Variants in GPATCH8 observed in about 807,000 individuals in gnomAD.
The protein encoded by GPATCH8 is G patch domain-containing protein 8.
In GPATCH8, 18 loss-of-function variants were observed where a neutral mutation model predicts 118.3. The observed-to-expected ratio is 0.15, with a 90% CI of 0.11 to 0.23. The LOEUF (loss-of-function observed/expected upper bound fraction) is 0.23, where lower values mean the gene tolerates loss of function less well. Among genes scored for constraint, GPATCH8 ranks in the 10% least tolerant of loss-of-function variants. GPATCH8 has a pLI of 1.00. For synonymous variants in GPATCH8, 659 were observed against 684.7 expected (o/e 0.96, Z 0.59); for missense variants, 1,631 against 1,873.8 (o/e 0.87, Z 2.39).
At chr17:44,432,041 G>C (rs534889378) in intron 5 of GPATCH8, among the ~76,000 whole-genome samples, 1 of 149,952 alleles carries the variant, frequency 6.7e-6, no homozygotes, top group Non-Finnish European at 1.5e-5. Flanking sequence ...GAGTAAATCA[G>C]AGTGGGTTTT....
At chr17:44,436,342 T>C in intron 4 of GPATCH8, 136 bp downstream of exon 4, 1 of 682,724 alleles carries the variant, frequency 1.5e-6, no homozygotes, top group East Asian at 2.7e-5. Flanking sequence ...GTAAAATATA[T>C]TTTTTAGTCA....
At chr17:44,448,293 C>T (rs1289227477) in intron 3 of GPATCH8, among the ~76,000 whole-genome samples, 1 of 151,964 alleles carries the variant, frequency 6.6e-6, no homozygotes, top group Non-Finnish European at 1.5e-5. Flanking sequence ...TATGGTGGCT[C>T]ACGCCTATAA....
intron 1 of GPATCH8, among the ~76,000 whole-genome samples, chr17:44,481,926 T>C (rs996047689): frequency 6.6e-6 from 1 of 151,982 alleles, no homozygotes; most frequent in African/African-American, 2.4e-5. Context: ...ATTTGAGACC[T>C]GACTGGCCAA....
intron 2 of GPATCH8, chr17:44,467,174 G>GT (rs1022516306): frequency 0.094 from 45,898 of 489,860 alleles, 6 homozygotes; most frequent in South Asian, 0.18. Flanking sequence ...ACTAATGGTC[G>GT]TTTTTTTTTT....
chr17:44,453,494 GGTA>G (rs1568011289), intron 3 of GPATCH8, among the ~76,000 whole-genome samples: 265 of 43,134 alleles, frequency 6.1e-3, no homozygotes, highest in African/African-American at 0.014. Context: ...TAGGTAGGTA[GGTA>G]GGGGTGTGTG....
At chr17:44,447,056 G>A (rs2050911238) in intron 3 of GPATCH8, among the ~76,000 whole-genome samples, 1 of 151,890 alleles carries the variant, frequency 6.6e-6, no homozygotes, top group Non-Finnish European at 1.5e-5. Context: ...AGCTGGTCTC[G>A]AACTCCTGAC....
At chr17:44,485,856 A>C (rs1198850611) in intron 1 of GPATCH8, among the ~76,000 whole-genome samples, 1 of 152,088 alleles carries the variant, frequency 6.6e-6, no homozygotes, top group Non-Finnish European at 1.5e-5. Flanking sequence ...CTTCATCTAT[A>C]TGCCCTATAT....
intron 1 of GPATCH8, 125 bp from the exon 2 acceptor site, chr17:44,475,028 A>T: frequency 6.0e-6 from 4 of 663,402 alleles, no homozygotes; most frequent in Admixed American, 2.4e-5. Flanking sequence ...GGACACTGCA[A>T]TCGTTCATTT....
At chr17:44,438,417 T>C (rs1445616583) in intron 3 of GPATCH8, among the ~76,000 whole-genome samples, 1 of 152,074 alleles carries the variant, frequency 6.6e-6, no homozygotes, top group African/African-American at 2.4e-5. Context: ...CATTACATTG[T>C]GGGGAAATCA....
chr17:44,398,690 A>ACCT lies in GPATCH8; in HGVS notation c.3384_3386dup (p.Gly1129dup). On this transcript the variant is annotated inframe_insertion, in exon 8 of 8. Coordinates refer to ENST00000591680, the MANE Select transcript of GPATCH8 (RefSeq NM_001002909.4). Reference sequence around the variant, plus strand: ...ATGGGGGGAGCTTGGGCCCAAAGTAACCTTGTGGGGGGTCCTTGAGCTTGG... The same window carrying ACCT: ...ATGGGGGGAGCTTGGGCCCAAAGTAACCTCCTTGTGGGGGGTCCTTGAGCTTGG... 1 of 1,584,034 alleles carries ACCT rather than the reference A, an allele frequency of 6.3e-7. No homozygotes were observed. Among genetic ancestry groups the ACCT allele is most frequent in the South Asian group, 1.2e-5 (1 of 85,790 alleles).
intron 6 of GPATCH8, among the ~76,000 whole-genome samples, chr17:44,421,919 G>A (rs1395147307): frequency 6.6e-6 from 1 of 151,314 alleles, no homozygotes; most frequent in East Asian, 2.0e-4. Flanking sequence ...TAGAGACAGG[G>A]TTTTGCTATG....
At chr17:44,457,957 C>T (rs1034976493) in intron 3 of GPATCH8, among the ~76,000 whole-genome samples, 1 of 151,944 alleles carries the variant, frequency 6.6e-6, no homozygotes, top group Non-Finnish European at 1.5e-5. Context: ...CGGTGGCAGG[C>T]GCCTGAAGTC....
Position 44,400,395 on chromosome 17 carries a change from G to A in GPATCH8, c.1682C>T (p.Ala561Val). Reference protein sequence around the residue: ...WPSELLIFTKAEPSISYSCNP... With the variant: ...WPSELLIFTKVEPSISYSCNP... ...ACAACTGTATGAAATGGAGGGTTCT[G>A]CCTTGGTGAAAATTAATAGTTCTGA... Residue 561 changes from alanine to valine, a missense_variant, in exon 8 of 8, where the codon GCA becomes GTA. Transcript: ENST00000591680. The A allele has an allele frequency of 6.2e-7, 1 of 1,613,666 alleles. No homozygotes were observed. Among genetic ancestry groups the A allele is most frequent in the Non-Finnish European group, 8.5e-7 (1 of 1,179,572 alleles).
At chr17:44,434,113 G>C (rs1357956631) in intron 5 of GPATCH8, among the ~76,000 whole-genome samples, 3 of 151,752 alleles carry the variant, frequency 2.0e-5, no homozygotes, top group African/African-American at 7.3e-5. Flanking sequence ...CTGGGCAACA[G>C]AGTGAGACTC....
Position 44,423,219 on chromosome 17 carries a change from G to A in GPATCH8, c.492+1130C>T, listed in dbSNP as rs181903785. Among the ~76,000 whole-genome samples the A allele has an allele frequency of 2.5e-4, 38 of 152,226 alleles. No individual in the cohort carries two copies. The East Asian group carries it at 7.0e-3, about 28-fold the overall frequency. ...TCCACCACTGCACTCCAGCTTGGGC[G>A]AAAGAGCAAAACTCCGTCTCAAAAA... On this transcript the variant is annotated intron_variant, in intron 6 of 7. Transcript: ENST00000591680.
At chr17:44,414,619 A>G (rs1191192078) in intron 6 of GPATCH8, among the ~76,000 whole-genome samples, 3 of 152,144 alleles carry the variant, frequency 2.0e-5, no homozygotes, top group South Asian at 2.1e-4. Flanking sequence ...TCACACATCT[A>G]AAGTGTCAAA....
chr17:44,503,317 C>A lies in GPATCH8; in HGVS notation c.45+9G>T. 2 of 1,608,814 alleles carry A rather than the reference C, an allele frequency of 1.2e-6. No homozygotes were observed. Among genetic ancestry groups the A allele is most frequent in the Non-Finnish European group, 1.7e-6 (2 of 1,177,660 alleles). On this transcript the variant is annotated intron_variant, in intron 1 of 7. Transcript: ENST00000591680. ...CCTTCCCCGCATCCTCGGCGACGCCCGTGTTTACCTGAAAGTCTCGGTCTT... is the reference window on the plus strand; with the variant it reads ...CCTTCCCCGCATCCTCGGCGACGCCAGTGTTTACCTGAAAGTCTCGGTCTT...
Position 44,399,312 on chromosome 17 carries a change from C to T in GPATCH8, c.2765G>A (p.Arg922Gln), listed in dbSNP as rs367853918. ...DDSDYASSKHRSKRHKYSSSD... is the reference protein window; with the variant it reads ...DDSDYASSKHQSKRHKYSSSD... The stretch of plus-strand genomic sequence containing the variant: ...AGATGAATATTTGTGCCGTTTTGAT[C>T]GGTGTTTGGAGCTGGCATAGTCTGA... Residue 922 changes from arginine to glutamine, a missense_variant, in exon 8 of 8, where the codon CGA becomes CAA. By Grantham distance (43) the Arg-to-Gln change is conservative (BLOSUM62 1). This residue lies in a region of GPATCH8 where 922 missense variants were observed against 879.7 expected (regional missense o/e 1.05). Coordinates refer to ENST00000591680, the MANE Select transcript of GPATCH8 (RefSeq NM_001002909.4). 21 of 1,613,748 alleles carry T rather than the reference C, an allele frequency of 1.3e-5. No homozygotes were observed. Among genetic ancestry groups the T allele is most frequent in the Non-Finnish European group, 1.5e-5 (18 of 1,179,814 alleles).
At chr17:44,458,557 T>C (rs1188839695) in intron 3 of GPATCH8, among the ~76,000 whole-genome samples, 2 of 152,196 alleles carry the variant, frequency 1.3e-5, no homozygotes, top group African/African-American at 2.4e-5. Flanking sequence ...AGGCTTGCTC[T>C]GTTGCCCAGG....
Sources: gnomAD v4.1 joint callset for allele counts (sites outside exome capture counted in the v4.1 genomes callset) on GRCh38, gnomAD v4.1.1 for gene constraint, gnomAD v4.1.1 regional missense constraint, MANE v1.5 for transcripts, NCBI Gene and HGNC (gene_info 2026-07-23, HGNC 2026-07-21) for gene names.